The following PLAC1 variants were observed in gnomAD, a reference collection of about 807,000 sequenced individuals.
PLAC1 encodes placenta associated 1.
For synonymous variants in PLAC1, 68 were observed against 62.1 expected (o/e 1.09, Z -0.44); for missense variants, 136 against 163.2 (o/e 0.83, Z 0.91).
intron 1 of PLAC1, among the ~76,000 whole-genome samples, chrX:134,759,449 A>G (rs2078764780): frequency 8.9e-6 from 1 of 111,947 alleles, no homozygotes; most frequent in African/African-American, 3.2e-5. Flanking sequence ...AAGCCCGGCC[A>G]GGAACTCTTA....
intron 1 of PLAC1, chrX:134,604,370 T>C (rs2078112412): frequency 8.9e-6 from 1 of 112,561 alleles, no homozygotes; most frequent in Non-Finnish European, 1.9e-5. Flanking sequence ...GCCTACTGAC[T>C]TCCCCTTTTG....
At chrX:134,679,322 C>T (rs1397595056) in intron 2 of PLAC1, among the ~76,000 whole-genome samples, 2 of 110,818 alleles carry the variant, frequency 1.8e-5, no homozygotes, top group African/African-American at 6.6e-5. Flanking sequence ...ATATATAAGA[C>T]AGGAGTGGGC....
At chrX:134,714,485 G>T (rs892778168) in intron 2 of PLAC1, among the ~76,000 whole-genome samples, 1 of 110,957 alleles carries the variant, frequency 9.0e-6, no homozygotes, top group South Asian at 3.8e-4. Context: ...GTAAACACAC[G>T]CAACATAAAA....
intron 2 of PLAC1, among the ~76,000 whole-genome samples, chrX:134,705,679 T>C (rs1181259701): frequency 9.0e-6 from 1 of 111,432 alleles, no homozygotes; most frequent in Non-Finnish European, 1.9e-5. Flanking sequence ...AGTGCTTTAT[T>C]ACATGCATTA....
At chrX:134,666,188 G>T (rs1318420869) in intron 2 of PLAC1, among the ~76,000 whole-genome samples, 2 of 111,331 alleles carry the variant, frequency 1.8e-5, no homozygotes, top group African/African-American at 6.5e-5. Flanking sequence ...TAGTCAAGAG[G>T]TCAAGAATCT....
chrX:134,749,919 G>A (rs1024848415), intron 1 of PLAC1, among the ~76,000 whole-genome samples: 2 of 111,564 alleles, frequency 1.8e-5, no homozygotes, highest in African/African-American at 6.5e-5. Flanking sequence ...AGGCGTGGGT[G>A]AGCTACCCGA....
chrX:134,568,981 T>C (rs1370685160), intron 2 of PLAC1, among the ~76,000 whole-genome samples: 14 of 110,929 alleles, frequency 1.3e-4, no homozygotes, highest in African/African-American at 4.6e-4. Context: ...CTTCTTTCCT[T>C]CTTTCTTTAA....
At chrX:134,599,826 G>A (rs1169197834) in intron 2 of PLAC1, among the ~76,000 whole-genome samples, 1 of 111,432 alleles carries the variant, frequency 9.0e-6, no homozygotes, top group Non-Finnish European at 1.9e-5. Context: ...GGAGTAGAAT[G>A]GGCAGGTAGC....
At chrX:134,680,705 C>T (rs184051419) in intron 2 of PLAC1, among the ~76,000 whole-genome samples, 1 of 112,029 alleles carries the variant, frequency 8.9e-6, no homozygotes, top group Non-Finnish European at 1.9e-5. Flanking sequence ...GTGGTGCATT[C>T]GCTGCAATTC....
intron 2 of PLAC1, among the ~76,000 whole-genome samples, chrX:134,676,001 C>T (rs1246073432): frequency 8.9e-6 from 1 of 111,881 alleles, no homozygotes; most frequent in Non-Finnish European, 1.9e-5. Context: ...TCACTTAACC[C>T]TTCCATGCCC....
intron 1 of PLAC1, among the ~76,000 whole-genome samples, chrX:134,626,823 C>T (rs1051856885): frequency 8.9e-6 from 1 of 112,185 alleles, no homozygotes; most frequent in Non-Finnish European, 1.9e-5. Context: ...AAACAATAGC[C>T]AACCTTCTCA....
intron 2 of PLAC1, among the ~76,000 whole-genome samples, chrX:134,687,878 A>C: frequency 1.2e-5 from 1 of 84,170 alleles, no homozygotes; most frequent in Non-Finnish European, 2.2e-5. Flanking sequence ...AGCACCTAGC[A>C]CAACGTCTGA....
chrX:134,729,295 C>T (rs1164358769), intron 2 of PLAC1, among the ~76,000 whole-genome samples: 1 of 111,863 alleles, frequency 8.9e-6, no homozygotes, highest in Non-Finnish European at 1.9e-5. Flanking sequence ...CCATTGTACC[C>T]GGCACACAGG....
At chrX:134,691,538 G>A (rs1189808387) in intron 2 of PLAC1, among the ~76,000 whole-genome samples, 2 of 111,315 alleles carry the variant, frequency 1.8e-5, no homozygotes, top group African/African-American at 3.3e-5. Flanking sequence ...TGGCTGAGGC[G>A]GTTACCCATG....
chrX:134,641,733 G>A (rs946848684), intron 1 of PLAC1, among the ~76,000 whole-genome samples: 1 of 112,069 alleles, frequency 8.9e-6, no homozygotes, highest in Non-Finnish European at 1.9e-5. Context: ...CTTTCAGTTC[G>A]TTCTGTGTTC....
At chrX:134,733,298 A>G (rs770664508) in intron 2 of PLAC1, 1 of 109,785 alleles carries the variant, frequency 9.1e-6, no homozygotes, top group Non-Finnish European at 1.9e-5. Flanking sequence ...GTTGGGGGAA[A>G]TCTCTGCAGG....
chrX:134,704,689 A>G (rs1376252382), intron 2 of PLAC1, among the ~76,000 whole-genome samples: 1 of 104,921 alleles, frequency 9.5e-6, no homozygotes, highest in East Asian at 2.9e-4. Context: ...AAAGTATTAA[A>G]CATATTAAAA....
chrX:134,693,232 C>A (rs1289925324), intron 2 of PLAC1, among the ~76,000 whole-genome samples: 1 of 111,448 alleles, frequency 9.0e-6, no homozygotes, highest in Non-Finnish European at 1.9e-5. Flanking sequence ...CCATCACTCC[C>A]TTCCTGCCTC....
chrX:134,698,378 T>C, intron 2 of PLAC1, among the ~76,000 whole-genome samples: 1 of 111,058 alleles, frequency 9.0e-6, no homozygotes, highest in East Asian at 2.9e-4. Flanking sequence ...TCTTGAACCT[T>C]GGAGGGGGAG....
Sources: gnomAD v4.1 joint callset for allele counts (sites outside exome capture counted in the v4.1 genomes callset) on GRCh38, gnomAD v4.1.1 for gene constraint, MANE v1.5 for transcripts, NCBI Gene and HGNC (gene_info 2026-07-23, HGNC 2026-07-21) for gene names.